The following KIAA1217 variants were observed in gnomAD, a reference collection of about 807,000 sequenced individuals.
KIAA1217 encodes the protein sickle tail protein homolog.
KIAA1217 carries 88 observed loss-of-function variants against 163.9 expected under a neutral mutation model. The observed-to-expected ratio is 0.54, with a 90% confidence interval of 0.45 to 0.64. The LOEUF (loss-of-function observed/expected upper bound fraction) is 0.64. Ranked by LOEUF, KIAA1217 falls within the 30% of genes least tolerant of loss-of-function variation. KIAA1217 has a pLI of 0.00. For synonymous variants in KIAA1217, 903 were observed against 923.1 expected (o/e 0.98, Z 0.39); for missense variants, 2,372 against 2,475.0 (o/e 0.96, Z 0.88).
intron 9 of KIAA1217, among the ~76,000 whole-genome samples, chr10:24,509,371 C>G (rs1039458970): frequency 2.6e-5 from 4 of 152,172 alleles, no homozygotes; most frequent in African/African-American, 9.7e-5. Flanking sequence ...TGACAGCTTC[C>G]CTCTTTAGTA....
chr10:24,044,777 T>G (rs1434509365), intron 2 of KIAA1217, among the ~76,000 whole-genome samples: 1 of 152,142 alleles, frequency 6.6e-6, no homozygotes, highest in African/African-American at 2.4e-5. Context: ...CTGAAAAGTG[T>G]GCTAAATCAT....
At chr10:24,242,307 C>T (rs1272367764) in intron 2 of KIAA1217, among the ~76,000 whole-genome samples, 1 of 152,102 alleles carries the variant, frequency 6.6e-6, no homozygotes, top group South Asian at 2.1e-4. Flanking sequence ...TCCATGTGTG[C>T]TCCATGTTTA....
intron 5 of KIAA1217, among the ~76,000 whole-genome samples, chr10:24,471,118 G>A (rs759273125): frequency 1.1e-4 from 16 of 152,118 alleles, no homozygotes; most frequent in Non-Finnish European, 1.6e-4. Flanking sequence ...TGTGCATTAG[G>A]CTCTGTTTCA....
intron 2 of KIAA1217, among the ~76,000 whole-genome samples, chr10:24,241,673 C>T (rs1334223043): frequency 6.6e-6 from 1 of 152,176 alleles, no homozygotes; most frequent in East Asian, 1.9e-4. Flanking sequence ...GACGTTGGCA[C>T]TTCCTCCCTT....
In KIAA1217 at chr10:23,946,344, G is replaced by A. The variant is rs368936914; in HGVS notation, c.-320-60881G>A. Among the ~76,000 whole-genome samples, 691 of 146,930 alleles carry A rather than the reference G, an allele frequency of 4.7e-3. 6 individuals carry two copies. The highest frequency in any genetic ancestry group is 0.017 in the African/African-American group (663 of 40,002). Reference sequence around the variant, plus strand: ...AGTAAAAGAGCTATTTGGCATATAGGAAAAAAAAAAGATTGTGTAGAAAAC... The same window carrying A: ...AGTAAAAGAGCTATTTGGCATATAGAAAAAAAAAAAGATTGTGTAGAAAAC... On this transcript the variant is annotated intron_variant, in intron 1 of 18. Coordinates refer to the KIAA1217 transcript ENST00000376462.
intron 1 of KIAA1217, among the ~76,000 whole-genome samples, chr10:23,989,549 T>A (rs12260878): frequency 0.057 from 8,641 of 152,242 alleles, 800 homozygotes; most frequent in African/African-American, 0.2. Context: ...ACCTGTCACA[T>A]GAGAGTCTTT....
intron 2 of KIAA1217, among the ~76,000 whole-genome samples, chr10:24,039,153 T>G (rs1443857664): frequency 1.2e-4 from 18 of 152,070 alleles, no homozygotes; most frequent in Admixed American, 1.2e-3. Context: ...TTAGAGGTTC[T>G]CCAGCTGATT....
At chr10:23,853,950 C>G (rs1172981658) in intron 1 of KIAA1217, among the ~76,000 whole-genome samples, 1 of 152,098 alleles carries the variant, frequency 6.6e-6, no homozygotes, top group East Asian at 1.9e-4. Context: ...TTTTGTTGAT[C>G]CTTTCAAAAA....
At chr10:24,035,201 G>C (rs1384040320) in intron 2 of KIAA1217, among the ~76,000 whole-genome samples, 1 of 152,160 alleles carries the variant, frequency 6.6e-6, no homozygotes, top group Admixed American at 6.5e-5. Context: ...CTGTTAAATG[G>C]AGATAATAAT....
intron 1 of KIAA1217, among the ~76,000 whole-genome samples, chr10:23,699,774 G>A (rs1381116899): frequency 6.6e-6 from 1 of 152,162 alleles, no homozygotes; most frequent in African/African-American, 2.4e-5. Context: ...ACAGGCATGA[G>A]CCACTGTGCC....
chr10:23,956,395 T>A (rs1272211296), intron 1 of KIAA1217, among the ~76,000 whole-genome samples: 1 of 152,142 alleles, frequency 6.6e-6, no homozygotes, highest in Non-Finnish European at 1.5e-5. Context: ...ATAGGAACAT[T>A]AGAGTAGTTT....
At chr10:24,030,835 CAT>C (rs1266962348) in intron 2 of KIAA1217, among the ~76,000 whole-genome samples, 26 of 152,322 alleles carry the variant, frequency 1.7e-4, no homozygotes, top group African/African-American at 5.8e-4. Context: ...TATTGCAGCA[CAT>C]GTCAGAAGTT....
At chr10:24,017,154 G>A in intron 2 of KIAA1217, among the ~76,000 whole-genome samples, 1 of 151,162 alleles carries the variant, frequency 6.6e-6, no homozygotes, top group Admixed American at 6.6e-5. Context: ...AGGGGCTCAA[G>A]TGAACCTCCC....
rs528114438 is a variant in KIAA1217, at chr10:24,271,606, G to A, written c.354+51697G>A. Among the ~76,000 whole-genome samples the A allele has an allele frequency of 5.9e-5, 9 of 152,122 alleles. No individual in the cohort carries two copies. The South Asian group carries it at 1.9e-3, about 32-fold the overall frequency. ...TCTCTGCAAAAAATTATAATAATTA[G>A]CCAGGCGTGGTGGCATGTACTTGTA... On this transcript the variant is annotated intron_variant, in intron 2 of 20. Coordinates refer to ENST00000376454, the MANE Select transcript of KIAA1217 (RefSeq NM_019590.5).
intron 3 of KIAA1217, among the ~76,000 whole-genome samples, chr10:24,419,053 T>C (rs2058510824): frequency 6.6e-6 from 1 of 151,578 alleles, no homozygotes; most frequent in Admixed American, 6.6e-5. Context: ...GGCAAGTGCC[T>C]GTAATCCCAG....
chr10:24,026,116 A>G (rs1379633687), intron 2 of KIAA1217, among the ~76,000 whole-genome samples: 5 of 151,864 alleles, frequency 3.3e-5, no homozygotes, highest in Admixed American at 3.3e-4. Context: ...TCTGGGATAT[A>G]TTCTACTTGG....
At chr10:24,189,212 C>T (rs984661836) in intron 2 of KIAA1217, among the ~76,000 whole-genome samples, 4 of 152,022 alleles carry the variant, frequency 2.6e-5, no homozygotes, top group African/African-American at 9.7e-5. Flanking sequence ...ATACATGATC[C>T]TACCATTGAA....
At chr10:23,912,536 A>G (rs778189171) in intron 1 of KIAA1217, among the ~76,000 whole-genome samples, 1 of 152,048 alleles carries the variant, frequency 6.6e-6, no homozygotes, top group Non-Finnish European at 1.5e-5. Context: ...CTTTGTGTCC[A>G]TGTGTACCCA....
At chr10:24,364,469 G>C (rs1383853394) in intron 2 of KIAA1217, among the ~76,000 whole-genome samples, 1 of 152,124 alleles carries the variant, frequency 6.6e-6, no homozygotes, top group African/African-American at 2.4e-5. Context: ...AGCGAAAAAA[G>C]GTTCTCAGTG....
Sources: allele counts gnomAD v4.1 joint callset (sites outside exome capture counted in the v4.1 genomes callset), GRCh38; gene constraint gnomAD v4.1.1; transcripts MANE v1.5; gene names NCBI Gene and HGNC (gene_info 2026-07-23, HGNC 2026-07-21).